The following TSPAN18 variants were observed in gnomAD, a reference collection of about 807,000 sequenced individuals.
TSPAN18 encodes tetraspanin-18.
TSPAN18 carries 14 observed loss-of-function variants against 27.3 expected under a neutral mutation model. The observed-to-expected ratio is 0.51, with a 90% confidence interval of 0.34 to 0.80. The LOEUF is 0.80. Among genes scored for constraint, TSPAN18 ranks in the 30% least tolerant of loss-of-function variants. The pLI is 0.01. For synonymous variants in TSPAN18, 143 were observed against 136.5 expected, an observed-to-expected ratio of 1.05 and a Z score of -0.33; for missense variants, 268 against 323.9, an observed-to-expected ratio of 0.83 and a Z score of 1.32.
intron 2 of TSPAN18, among the ~76,000 whole-genome samples, chr11:44,811,325 G>A (rs1856711330): frequency 1.3e-5 from 2 of 152,110 alleles, no homozygotes; most frequent in South Asian, 4.2e-4. Context: ...TAGATAGTCA[G>A]CATCTATCTG....
At chr11:44,740,318 G>A (rs943233622) in intron 1 of TSPAN18, among the ~76,000 whole-genome samples, 3 of 152,218 alleles carry the variant, frequency 2.0e-5, no homozygotes, top group African/African-American at 7.2e-5. Context: ...CCTCCATTGT[G>A]TGATAAGGGT....
intron 3 of TSPAN18, among the ~76,000 whole-genome samples, chr11:44,881,572 T>G (rs985222446): frequency 1.3e-5 from 2 of 152,244 alleles, no homozygotes; most frequent in African/African-American, 4.8e-5. Context: ...CAAAAGGTTG[T>G]TGGAAGGCTG....
At chr11:44,893,782 G>A (rs1365949144) in intron 3 of TSPAN18, among the ~76,000 whole-genome samples, 4 of 152,212 alleles carry the variant, frequency 2.6e-5, no homozygotes, top group Non-Finnish European at 2.9e-5. Flanking sequence ...TTAAGTGAAC[G>A]CCCATAATAC....
intron 2 of TSPAN18, among the ~76,000 whole-genome samples, chr11:44,789,102 C>T (rs925597069): frequency 7.2e-5 from 11 of 152,234 alleles, no homozygotes; most frequent in African/African-American, 2.4e-4. Context: ...ACAATAACAC[C>T]CTCGTGTCAG....
chr11:44,736,011 A>G (rs1273812809), intron 1 of TSPAN18, among the ~76,000 whole-genome samples: 1 of 152,192 alleles, frequency 6.6e-6, no homozygotes, highest in Non-Finnish European at 1.5e-5. Context: ...AGATCAACCC[A>G]TAGAGGTGGT....
intron 1 of TSPAN18, among the ~76,000 whole-genome samples, chr11:44,739,581 G>A (rs543346472): frequency 2.0e-5 from 3 of 152,160 alleles, no homozygotes; most frequent in South Asian, 4.1e-4. Context: ...CTGAAATTAC[G>A]CCAATGCATT....
chr11:44,854,924 A>G (rs1176624358), intron 2 of TSPAN18, among the ~76,000 whole-genome samples: 2 of 152,210 alleles, frequency 1.3e-5, no homozygotes, highest in Non-Finnish European at 2.9e-5. Context: ...TTCAATACAT[A>G]TGATACTTAG....
intron 2 of TSPAN18, among the ~76,000 whole-genome samples, chr11:44,838,781 CTG>C (rs1277775757): frequency 4.6e-5 from 7 of 152,216 alleles, no homozygotes; most frequent in African/African-American, 1.7e-4. Context: ...TCTGCAGACA[CTG>C]TGTACCATTT....
intron 2 of TSPAN18, among the ~76,000 whole-genome samples, chr11:44,812,557 G>A (rs1393090207): frequency 6.6e-6 from 1 of 152,164 alleles, no homozygotes; most frequent in African/African-American, 2.4e-5. Context: ...AGGGGAGGTG[G>A]TGCAAACTCT....
At chr11:44,897,384 GC>G in intron 3 of TSPAN18, among the ~76,000 whole-genome samples, 1 of 152,284 alleles carries the variant, frequency 6.6e-6, no homozygotes, top group East Asian at 1.9e-4. Context: ...TATTGTGGAT[GC>G]CTGGGTGGCA....
chr11:44,758,027 C>T (rs549914256), intron 1 of TSPAN18, among the ~76,000 whole-genome samples: 3 of 152,042 alleles, frequency 2.0e-5, no homozygotes, highest in Non-Finnish European at 2.9e-5. Context: ...GTGTCATATC[C>T]AAGAAATCAT....
intron 2 of TSPAN18, among the ~76,000 whole-genome samples, chr11:44,804,094 C>CT (rs912682581): frequency 2.7e-5 from 4 of 150,848 alleles, no homozygotes; most frequent in African/African-American, 7.3e-5. Context: ...TGGTAAATTT[C>CT]TTTTTTTTCT....
intron 2 of TSPAN18, among the ~76,000 whole-genome samples, chr11:44,815,590 T>A (rs943771048): frequency 2.6e-5 from 4 of 152,210 alleles, no homozygotes; most frequent in Non-Finnish European, 5.9e-5. Flanking sequence ...ATTGAGCACC[T>A]ACCCTGTGCT....
intron 2 of TSPAN18, among the ~76,000 whole-genome samples, chr11:44,797,431 T>C (rs835853): frequency 0.96 from 145,568 of 152,138 alleles, 69,968 homozygotes; most frequent in Non-Finnish European, 1. Context: ...ACGGTACCCA[T>C]CATTATTATT....
intron 6 of TSPAN18, among the ~76,000 whole-genome samples, chr11:44,918,832 G>A (rs1218898849): frequency 6.6e-6 from 1 of 151,860 alleles, no homozygotes; most frequent in Non-Finnish European, 1.5e-5. Flanking sequence ...CGGTCCTGTA[G>A]CTTCTTCAGG....
chr11:44,786,544 C>T (rs1325094218), intron 2 of TSPAN18, among the ~76,000 whole-genome samples: 1 of 152,108 alleles, frequency 6.6e-6, no homozygotes, highest in East Asian at 1.9e-4. Context: ...CCCCCGGACC[C>T]TGCTGGTGAG....
intron 1 of TSPAN18, among the ~76,000 whole-genome samples, chr11:44,739,506 C>A (rs915887870): frequency 6.6e-6 from 1 of 152,058 alleles, no homozygotes; most frequent in Non-Finnish European, 1.5e-5. Flanking sequence ...TGCCTGTAAT[C>A]CCAGCTACTC....
chr11:44,842,924 C>A lies in TSPAN18; in HGVS notation c.-152-17404C>A, dbSNP rs181571236. Among the ~76,000 whole-genome samples, 475 of 152,186 alleles carry A rather than the reference C, an allele frequency of 3.1e-3. 9 individuals carry two copies. The highest frequency in any genetic ancestry group is 3.3e-3 in the Non-Finnish European group (222 of 68,014). ...ATCAGTGCTTCCCTTTTCCCTCCCC[C>A]TTCCCCCACCCTTCCCCCAACCAGG... On this transcript the variant is annotated intron_variant, in intron 2 of 9. Coordinates refer to ENST00000520358, the MANE Select transcript of TSPAN18 (RefSeq NM_130783.5).
At chr11:44,745,371 C>T (rs868061674) in intron 1 of TSPAN18, among the ~76,000 whole-genome samples, 1 of 152,234 alleles carries the variant, frequency 6.6e-6, no homozygotes, top group Non-Finnish European at 1.5e-5. Flanking sequence ...CACTGCACAG[C>T]ACTGGAGCCC....
Sources: gnomAD v4.1 joint callset for allele counts (sites outside exome capture counted in the v4.1 genomes callset) on GRCh38, gnomAD v4.1.1 for gene constraint, MANE v1.5 for transcripts, NCBI Gene and HGNC (gene_info 2026-07-23, HGNC 2026-07-21) for gene names.